The following MBNL1 variants were observed in gnomAD, a reference collection of about 807,000 sequenced individuals.
MBNL1 encodes muscleblind-like protein 1.
A neutral mutation model predicts 42.2 loss-of-function variants in MBNL1; 8 were observed. That is an observed-to-expected ratio of 0.19 (90% confidence interval 0.11 to 0.34). MBNL1 has a LOEUF of 0.34. MBNL1 is among the 10% of genes least tolerant of loss of function. The pLI is 1.00. For missense variants in MBNL1, 309 were observed against 495.3 expected (o/e 0.62, Z 3.57); for synonymous variants, 169 against 173.9 (o/e 0.97, Z 0.22).
At chr3:152,369,788 G>A (rs943510698) in intron 2 of MBNL1, among the ~76,000 whole-genome samples, 2 of 152,020 alleles carry the variant, frequency 1.3e-5, no homozygotes, top group South Asian at 2.1e-4. Flanking sequence ...ATTTTCTAGT[G>A]TATTTGCATA....
At chr3:152,448,854 G>A (rs185928047) in intron 6 of MBNL1, among the ~76,000 whole-genome samples, 277 of 152,100 alleles carry the variant, frequency 1.8e-3, no homozygotes, top group Non-Finnish European at 3.2e-3. Context: ...AAATAAATAC[G>A]AAGTAACAAT....
chr3:152,262,325 T>C (rs996820558), intron 2 of MBNL1, among the ~76,000 whole-genome samples: 5 of 152,196 alleles, frequency 3.3e-5, no homozygotes, highest in East Asian at 1.9e-4. Context: ...ACAAATGTTG[T>C]TCTTATTCAA....
In MBNL1 at chr3:152,456,240, T is replaced by C. The variant is rs1733535611; in HGVS notation, c.998-27T>C. On this transcript the variant is annotated intron_variant, in intron 7 of 9. Coordinates refer to ENST00000324210, the MANE Select transcript of MBNL1 (RefSeq NM_021038.5). The stretch of plus-strand genomic sequence containing the variant: ...CATATTGCTACACTCTTCTGTATGT[T>C]CGCTTATATGATTTTCCCTCCGAAA... 3 of 1,511,156 alleles carry C rather than the reference T, an allele frequency of 2.0e-6. No homozygotes were observed. The South Asian group carries it at 3.4e-5, about 17-fold the overall frequency. The allele number at this position is 1,511,156 out of a possible 1,614,324, so 93.6% of individuals were successfully genotyped here.
intron 2 of MBNL1, among the ~76,000 whole-genome samples, chr3:152,336,749 A>G (rs1416636241): frequency 2.0e-5 from 3 of 152,208 alleles, no homozygotes; most frequent in Admixed American, 6.5e-5. Flanking sequence ...GTCACTTAGA[A>G]TATATATTTT....
chr3:152,273,754 C>T (rs897168324), intron 1 of MBNL1, among the ~76,000 whole-genome samples: 4 of 152,040 alleles, frequency 2.6e-5, no homozygotes, highest in African/African-American at 9.7e-5. Flanking sequence ...TGCTCATATG[C>T]TCCAAAAGAA....
intron 3 of MBNL1, among the ~76,000 whole-genome samples, chr3:152,426,406 T>C (rs981292711): frequency 1.3e-5 from 2 of 152,220 alleles, no homozygotes; most frequent in Non-Finnish European, 2.9e-5. Context: ...TTCCAAATTA[T>C]TATTTTTACT....
chr3:152,280,518 G>A (rs774296324), intron 1 of MBNL1, among the ~76,000 whole-genome samples: 1 of 152,084 alleles, frequency 6.6e-6, no homozygotes, highest in Admixed American at 6.6e-5. Context: ...GGAGAAAGGT[G>A]GGCACATACG....
intron 2 of MBNL1, among the ~76,000 whole-genome samples, chr3:152,333,802 T>C (rs2087172567): frequency 6.6e-6 from 1 of 152,198 alleles, no homozygotes; most frequent in Non-Finnish European, 1.5e-5. Context: ...AAAATGTCTG[T>C]CTCGTTAACA....
chr3:152,247,597 C>T (rs1226764840), intron 2 of MBNL1, among the ~76,000 whole-genome samples: 1 of 151,858 alleles, frequency 6.6e-6, no homozygotes, highest in African/African-American at 2.4e-5. Context: ...AATTTTTAAT[C>T]TTTAAAATAT....
chr3:152,244,760 A>G (rs756965633), intron 2 of MBNL1, among the ~76,000 whole-genome samples: 16 of 152,142 alleles, frequency 1.1e-4, no homozygotes, highest in Non-Finnish European at 1.9e-4. Context: ...ATTATTAACA[A>G]ATTTGATAAC....
intron 1 of MBNL1, among the ~76,000 whole-genome samples, chr3:152,298,800 A>G (rs553677730): frequency 2.8e-4 from 43 of 152,236 alleles, no homozygotes; most frequent in African/African-American, 1.0e-3. Flanking sequence ...TTCCTTTTTT[A>G]TTCACGTGTC....
Position 152,260,698 on chromosome 3 carries a change from C to T in MBNL1, n.333+16258C>T, listed in dbSNP as rs540126169. Among the ~76,000 whole-genome samples the T allele has an allele frequency of 2.0e-5, 3 of 152,302 alleles. No homozygotes were observed. The South Asian group carries it at 6.2e-4, about 32-fold the overall frequency. On this transcript the variant is annotated intron_variant and non_coding_transcript_variant, in intron 2 of 2. Transcript: ENST00000477171. ...TATAGAATTTTAAACAAACAGCAAA[C>T]TAAGCATTTTAGAATATGTAGGATT...
intron 1 of MBNL1, among the ~76,000 whole-genome samples, chr3:152,276,744 A>G (rs1338282750): frequency 1.3e-5 from 2 of 152,172 alleles, no homozygotes; most frequent in Non-Finnish European, 2.9e-5. Context: ...AGTAAGTTTA[A>G]TAATACGTAG....
chr3:152,445,469 A>G lies in MBNL1; in HGVS notation c.737A>G (p.Lys246Arg). 6.2e-7 allele frequency: 1 copy of G among 1,613,368 alleles called. No individual in the cohort carries two copies. Among genetic ancestry groups the G allele is most frequent in the Non-Finnish European group, 8.5e-7 (1 of 1,179,540 alleles). Residue 246 changes from lysine to arginine, a missense_variant, in exon 5 of 10, where the codon AAG becomes AGG. Physicochemically the swap from Lys to Arg is conservative, Grantham distance 26 (BLOSUM62 2). Coordinates refer to ENST00000324210, the MANE Select transcript of MBNL1 (RefSeq NM_021038.5). ...CATCCCCCTGCACATTTGCAAGCCA[A>G]GATCAAGGCTGCCCAATACCAGGTC... ...YFHPPAHLQA[K>R]IKAAQYQVNQ...
Position 152,401,740 on chromosome 3 carries a change from T to A in MBNL1, c.175-13201T>A, listed in dbSNP as rs570667004. ...TTTGGGTTAATTCATTAAAGGAGATTTGCGGCTGGACGTGGTGGCTCACGC... is the reference window on the plus strand; with the variant it reads ...TTTGGGTTAATTCATTAAAGGAGATATGCGGCTGGACGTGGTGGCTCACGC... On this transcript the variant is annotated intron_variant, in intron 2 of 9. Coordinates refer to ENST00000324210, the MANE Select transcript of MBNL1 (RefSeq NM_021038.5). 9.2e-5 allele frequency among the ~76,000 whole-genome samples: 14 copies of A among 152,132 alleles called. No individual in the cohort carries two copies. In the East Asian group the frequency reaches 2.7e-3, roughly 29 times the overall value.
At chr3:152,314,563 C>CA (rs2069392273) in intron 2 of MBNL1, among the ~76,000 whole-genome samples, 1 of 152,096 alleles carries the variant, frequency 6.6e-6, no homozygotes, top group Admixed American at 6.5e-5. Context: ...TTAGTAGAGA[C>CA]AGAGTTTCTC....
intron 4 of MBNL1, among the ~76,000 whole-genome samples, chr3:152,435,614 G>GTATA (rs1283168785): frequency 1.3e-5 from 2 of 152,044 alleles, no homozygotes; most frequent in African/African-American, 4.8e-5. Context: ...AACATTGAAT[G>GTATA]TATAGCTTGC....
intron 2 of MBNL1, among the ~76,000 whole-genome samples, chr3:152,386,959 A>G (rs1050406334): frequency 6.6e-6 from 1 of 152,116 alleles, no homozygotes; most frequent in Admixed American, 6.6e-5. Context: ...TGAAGCAGGT[A>G]TTTGGTAAGT....
intron 2 of MBNL1, among the ~76,000 whole-genome samples, chr3:152,245,829 T>A (rs2032833246): frequency 1.3e-5 from 2 of 152,182 alleles, no homozygotes; most frequent in Admixed American, 6.6e-5. Context: ...TGAATCAAAT[T>A]TGACATACTT....
Sources: allele counts gnomAD v4.1 joint callset (sites outside exome capture counted in the v4.1 genomes callset), GRCh38; gene constraint gnomAD v4.1.1; transcripts MANE v1.5; gene names NCBI Gene and HGNC (gene_info 2026-07-23, HGNC 2026-07-21).